FBXO42: variants seen among roughly 807,000 people sequenced by gnomAD.
FBXO42 encodes F-box only protein 42.
Under a neutral mutation model 71.7 loss-of-function variants are expected in FBXO42, and 12 were observed. The observed-to-expected ratio is 0.17, with a 90% CI of 0.11 to 0.27. FBXO42 has a LOEUF of 0.27. Among genes scored for constraint, FBXO42 ranks in the 10% least tolerant of loss-of-function variants. FBXO42 has a pLI of 1.00. For synonymous variants in FBXO42, 325 were observed against 327.5 expected (o/e 0.99, Z 0.08); for missense variants, 707 against 911.9 (o/e 0.78, Z 2.89).
intron 3 of FBXO42, among the ~76,000 whole-genome samples, chr1:16,297,307 T>G (rs1035143318): frequency 1.2e-4 from 18 of 151,800 alleles, no homozygotes; most frequent in African/African-American, 4.4e-4. Flanking sequence ...CTCTCTACGG[T>G]AAGAAGGCCA....
chr1:16,288,147 CAAT>C (rs1225828793), intron 4 of FBXO42, among the ~76,000 whole-genome samples: 3 of 151,222 alleles, frequency 2.0e-5, no homozygotes, highest in Admixed American at 2.0e-4. Context: ...CTCAAACAAA[CAAT>C]AATAATAGGC....
intron 2 of FBXO42, among the ~76,000 whole-genome samples, chr1:16,308,917 A>C (rs890804170): frequency 6.7e-6 from 1 of 148,634 alleles, no homozygotes; most frequent in Non-Finnish European, 1.5e-5. Context: ...CTAATTTTGC[A>C]TTTTTAGTAG....
chr1:16,300,892 CCTTT>C (rs1186090453), intron 3 of FBXO42, among the ~76,000 whole-genome samples: 7 of 140,148 alleles, frequency 5.0e-5, no homozygotes, highest in Non-Finnish European at 9.2e-5. Context: ...CTAGAATTGG[CCTTT>C]TTTTTTTTTT....
intron 3 of FBXO42, among the ~76,000 whole-genome samples, chr1:16,302,808 C>T (rs2082208636): frequency 6.6e-6 from 1 of 152,216 alleles, no homozygotes; most frequent in Non-Finnish European, 1.5e-5. Flanking sequence ...CTGCGGCCAG[C>T]CGAAACCGCC....
rs187752855 is a variant in FBXO42 at position 16,298,012 on chromosome 1, G to C, written c.368-3095C>G. On this transcript the variant is annotated intron_variant, in intron 3 of 9. Transcript: ENST00000375592. ...AGGCTGAGGCGGGTGGATCACTTGA[G>C]GTCAGGAGTTCGAGTCCAGCCTGGC... is the stretch of plus-strand genomic sequence containing the variant. Among the ~76,000 whole-genome samples, 451 of 152,152 alleles carry C rather than the reference G, an allele frequency of 3.0e-3. 6 individuals carry two copies. The highest frequency in any genetic ancestry group is 0.028 in the Admixed American group (421 of 15,262).
At chr1:16,339,113 A>G (rs650298) in intron 1 of FBXO42, among the ~76,000 whole-genome samples, 51,839 of 151,128 alleles carry the variant, frequency 0.34, 10,616 homozygotes, top group East Asian at 0.68. Flanking sequence ...CCCAGCGGTC[A>G]TTTATCTTTT....
intron 1 of FBXO42, among the ~76,000 whole-genome samples, chr1:16,341,588 A>G (rs1044199322): frequency 6.8e-6 from 1 of 146,594 alleles, no homozygotes; most frequent in African/African-American, 2.6e-5. Context: ...AGCCTGGGCA[A>G]CCAAGTGAGA....
rs113307700 is a variant in FBXO42, at chr1:16,303,881, G to A, written c.367+1922C>T. Among the ~76,000 whole-genome samples, 33 of 152,104 alleles carry A rather than the reference G, an allele frequency of 2.2e-4. 1 individual carries two copies. In the South Asian group the frequency reaches 6.4e-3, roughly 30 times the overall value. On this transcript the variant is annotated intron_variant, in intron 3 of 9. Transcript: ENST00000375592. Reference sequence around the variant, plus strand: ...CTGCTTCAGCCTCCCCAGTAGCTGCGACTACAGGCGCCCGCCACCATGCCC... The same window carrying A: ...CTGCTTCAGCCTCCCCAGTAGCTGCAACTACAGGCGCCCGCCACCATGCCC...
At position 16,249,783 on chromosome 1, in the gene FBXO42, AAAAAAAAAAAAG is replaced by A. The variant is rs2081572927; in HGVS notation, c.*875_*886del. 1 of 146,098 alleles carries A rather than the reference AAAAAAAAAAAAG, an allele frequency of 6.8e-6. No homozygotes were observed. The highest frequency in any genetic ancestry group is 2.5e-5 in the African/African-American group (1 of 39,938). 9.1% of individuals were successfully genotyped at this position (146,098 alleles called of 1,614,324 possible). On this transcript the variant is annotated 3_prime_UTR_variant, in exon 10 of 10. Transcript: ENST00000375592. ...AGGTTTTAGGACTTCACCACATATG[AAAAAAAAAAAAG>A]AAAAGAAAAAAGGTAGAAGAAAAAA...
In FBXO42 at chr1:16,352,301, G is replaced by A. The variant is rs936270474; in HGVS notation, c.-64C>T. 1.3e-4 allele frequency: 51 copies of A among 397,144 alleles called. No individual in the cohort carries two copies. Among genetic ancestry groups the A allele is most frequent in the African/African-American group, 9.5e-4 (46 of 48,568 alleles). 24.6% of individuals were successfully genotyped at this position (397,144 alleles called of 1,614,324 possible). On this transcript the variant is annotated 5_prime_UTR_variant, in exon 1 of 10. Coordinates refer to ENST00000375592, the MANE Select transcript of FBXO42 (RefSeq NM_018994.3). ...TCTCGGGTTCGCTCCGCTGGCGACG[G>A]TAATGAGGGAGCCAGGGACAGGGCC...
chr1:16,305,312 G>A (rs1427471116), intron 3 of FBXO42, among the ~76,000 whole-genome samples: 1 of 152,150 alleles, frequency 6.6e-6, no homozygotes, highest in Admixed American at 6.6e-5. Flanking sequence ...TGCCTGAGCC[G>A]AGGAGGTCGA....
chr1:16,281,863 G>A (rs2081967166), intron 4 of FBXO42, among the ~76,000 whole-genome samples: 3 of 151,714 alleles, frequency 2.0e-5, no homozygotes, highest in Admixed American at 2.0e-4. Flanking sequence ...TCACATGCTG[G>A]CCAGGCTGTT....
Position 16,251,422 on chromosome 1 carries a change from G to C in FBXO42, c.1402C>G (p.Pro468Ala). ...SPVQAISPST[P>A]SAPEGYDLKI... Reference sequence around the variant, plus strand: ...AGGTCGTATCCTTCAGGAGCAGATGGAGTACTTGGAGATATGGCCTGTACA... The same window carrying C: ...AGGTCGTATCCTTCAGGAGCAGATGCAGTACTTGGAGATATGGCCTGTACA... Residue 468 changes from proline (P) to alanine (A), a missense_variant, in exon 10 of 10, where the codon CCA (proline) becomes GCA (alanine). Pro to Ala is a conservative substitution (Grantham distance 27). Around this residue, in one of 5 missense-constraint regions of FBXO42, gnomAD observed 482 missense variants for 587.1 expected, o/e 0.82. Coordinates refer to ENST00000375592, the MANE Select transcript of FBXO42 (RefSeq NM_018994.3). This position sits in a 1 kb window ranked among gnomAD's most constrained non-coding sequence, Gnocchi z 4.5. 3 of 1,614,140 alleles carry C rather than the reference G, an allele frequency of 1.9e-6. No homozygotes were observed. Among genetic ancestry groups the C allele is most frequent in the Non-Finnish European group, 2.5e-6 (3 of 1,179,978 alleles).
chr1:16,251,708 T>C lies in FBXO42; in HGVS notation c.1116A>G (p.Pro372=), dbSNP rs942090600. 9 of 1,614,040 alleles carry C rather than the reference T, an allele frequency of 5.6e-6. No homozygotes were observed. Among genetic ancestry groups the C allele is most frequent in the African/African-American group, 1.3e-5 (1 of 74,934 alleles). ...CTGGAGGAGTGGCACTGATAGGTGA[T>C]GGGCGAGAGTTCAAACTGGGGCTGA... ...APLSPSLNSR[P]SPISATPPAL... is the part of the protein sequence containing the mutation. The change falls in exon 10 of 10, where the codon CCA becomes CCG. Residue 372 remains proline, a synonymous_variant. Coordinates refer to ENST00000375592, the MANE Select transcript of FBXO42 (RefSeq NM_018994.3). The surrounding 1 kb of genome is among the most constrained non-coding windows in gnomAD (Gnocchi z 4.5).
chr1:16,254,455 G>A (rs537547178), intron 6 of FBXO42, among the ~76,000 whole-genome samples: 2 of 152,240 alleles, frequency 1.3e-5, no homozygotes, highest in East Asian at 1.9e-4. Context: ...GGACAGACTG[G>A]CATCTCTAAC....
Position 16,294,799 on chromosome 1 carries a change from G to T in FBXO42, c.486C>A (p.Ile162=). 1 of 1,613,974 alleles carries T rather than the reference G, an allele frequency of 6.2e-7. No homozygotes were observed. Residue 162 remains isoleucine (I), a synonymous_variant, in exon 4 of 10, where the codon ATC becomes ATA. Transcript: ENST00000375592. ...ATCTCTTACCTGAAGCCAAAGGTCG[G>T]ATCCACTCTTTGCTGTTTAGGTCAA... The part of the protein sequence containing the change: ...WRLDLNSKEW[I]RPLASGSYPS...
intron 1 of FBXO42, among the ~76,000 whole-genome samples, chr1:16,344,992 C>A (rs367905782): frequency 2.8e-4 from 42 of 150,088 alleles, no homozygotes; most frequent in South Asian, 1.7e-3. Flanking sequence ...CTAGCTACTC[C>A]GGAGGCTGAG....
intron 3 of FBXO42, among the ~76,000 whole-genome samples, chr1:16,301,350 A>G (rs2082191833): frequency 6.6e-6 from 1 of 152,276 alleles, no homozygotes; most frequent in Admixed American, 6.5e-5. Context: ...GATATCAACT[A>G]TGAACAAGGT....
intron 6 of FBXO42, among the ~76,000 whole-genome samples, chr1:16,254,193 A>G (rs967020290): frequency 2.6e-5 from 4 of 152,236 alleles, no homozygotes; most frequent in Admixed American, 2.6e-4. Flanking sequence ...GCGGCCAGAC[A>G]CTAGTGCCTA....
Sources: allele counts gnomAD v4.1 joint callset (sites outside exome capture counted in the v4.1 genomes callset), GRCh38; gene constraint gnomAD v4.1.1; regional missense constraint gnomAD v4.1.1; non-coding constraint Gnocchi (gnomAD v3.1); transcripts MANE v1.5; gene names NCBI Gene and HGNC (gene_info 2026-07-23, HGNC 2026-07-21).